The following TXNDC16 variants were observed in gnomAD, a reference collection of about 807,000 sequenced individuals.
TXNDC16 encodes the protein thioredoxin domain containing 16.
In TXNDC16, 74 loss-of-function variants were observed where a neutral mutation model predicts 85.6. The ratio of observed to expected loss-of-function variants is 0.86; its 90% CI spans 0.72 to 1.05. The LOEUF is 1.05. TXNDC16 is among the 50% of genes least tolerant of loss of function. The probability of loss-of-function intolerance (pLI) is 0.00; values close to 1 mark genes in which losing one functional copy is unlikely to be tolerated. For synonymous variants in TXNDC16, 335 were observed against 326.5 expected, an observed-to-expected ratio of 1.03 and a Z score of -0.28; for missense variants, 959 against 947.0, an observed-to-expected ratio of 1.01 and a Z score of -0.17.
intron 1 of TXNDC16, among the ~76,000 whole-genome samples, chr14:52,548,024 T>C (rs2037974681): frequency 6.6e-6 from 1 of 152,194 alleles, no homozygotes; most frequent in Non-Finnish European, 1.5e-5. Flanking sequence ...AGAGTCAGTA[T>C]ACATGTGCAA....
At chr14:52,435,561 A>G (rs1393701588) in intron 20 of TXNDC16, among the ~76,000 whole-genome samples, 2 of 152,152 alleles carry the variant, frequency 1.3e-5, no homozygotes, top group African/African-American at 2.4e-5. Context: ...TAATTAATTA[A>G]TTCTGTCCCG....
chr14:52,529,932 TTA>T (rs1458170687), intron 6 of TXNDC16, among the ~76,000 whole-genome samples: 2 of 106,000 alleles, frequency 1.9e-5, no homozygotes, highest in Non-Finnish European at 3.4e-5. Context: ...ATTATATATA[TTA>T]TATATATGAA....
chr14:52,462,187 TA>T (rs148936930), intron 16 of TXNDC16, among the ~76,000 whole-genome samples: 1,555 of 152,328 alleles, frequency 0.01, 23 homozygotes, highest in African/African-American at 0.034. Context: ...GTTTCTCTTT[TA>T]TTTTTTTAAA....
Position 52,497,877 on chromosome 14 carries a change from T to C in TXNDC16, c.757-6872A>G, listed in dbSNP as rs1295894442. On this transcript the variant is annotated intron_variant, in intron 9 of 20. Coordinates refer to ENST00000281741, the MANE Select transcript of TXNDC16 (RefSeq NM_020784.3). The stretch of plus-strand genomic sequence containing the variant: ...GCCTGGGCAACGGAGCAAGACTCTG[T>C]CTCAAAAAAAAAAAAAAAAAAAACC... Among the ~76,000 whole-genome samples the C allele has an allele frequency of 4.0e-5, 4 of 99,250 alleles. No homozygotes were observed. The East Asian group carries it at 1.4e-3, about 35-fold the overall frequency. 65.1% of individuals were successfully genotyped at this position (99,250 alleles called of 152,430 possible).
chr14:52,539,757 A>G (rs2037787245), intron 4 of TXNDC16, among the ~76,000 whole-genome samples: 1 of 152,208 alleles, frequency 6.6e-6, no homozygotes, highest in Non-Finnish European at 1.5e-5. Flanking sequence ...AGAAAAGTCA[A>G]GGATGACAGA....
intron 4 of TXNDC16, among the ~76,000 whole-genome samples, chr14:52,541,498 T>C (rs10140315): frequency 0.13 from 19,369 of 152,192 alleles, 1,540 homozygotes; most frequent in East Asian, 0.37. Context: ...TCAAAGTTAA[T>C]TGAGATCTCT....
chr14:52,532,734 C>A (rs371565049), intron 6 of TXNDC16, among the ~76,000 whole-genome samples: 2 of 151,978 alleles, frequency 1.3e-5, no homozygotes, highest in Non-Finnish European at 2.9e-5. Flanking sequence ...CCGCACCCAG[C>A]CAGTTCAAAT....
At chr14:52,470,742 T>A (rs973031795) in intron 14 of TXNDC16, 62 bp from the exon 15 acceptor site, 27 of 1,469,412 alleles carry the variant, frequency 1.8e-5, no homozygotes, top group Non-Finnish European at 2.4e-5. Flanking sequence ...TTGCTTAGGA[T>A]CTTCAGTATT....
chr14:52,514,182 T>C (rs557771877), intron 8 of TXNDC16, among the ~76,000 whole-genome samples: 29 of 152,142 alleles, frequency 1.9e-4, no homozygotes, highest in Non-Finnish European at 3.7e-4. Context: ...CCTCTAAATG[T>C]AGAGCTGTAA....
At position 52,493,216 on chromosome 14, in the gene TXNDC16, T is replaced by TATATATATATATATATATTAC; in HGVS notation, c.757-2212_757-2211insGTAATATATATATATATATAT. Among the ~76,000 whole-genome samples, 157 of 115,962 alleles carry TATATATATATATATATATTAC rather than the reference T, an allele frequency of 1.4e-3. 1 individual carries two copies. The Middle Eastern group carries it at 0.021, about 16-fold the overall frequency. The allele number at this position is 115,962 out of a possible 152,430, so 76.1% of individuals were successfully genotyped here. A position where few individuals can be genotyped will look rare whatever the true frequency, so the allele number is the denominator to read the frequency against. On this transcript the variant is annotated intron_variant, in intron 9 of 20. Transcript: ENST00000281741. ...TTCTATATATATATATATATATATA[T>TATATATATATATATATATTAC]ACACACACACACACACACATATTTA...
chr14:52,440,441 T>C lies in TXNDC16; in HGVS notation c.2003+123A>G, dbSNP rs917478050. The stretch of plus-strand genomic sequence containing the variant: ...GGGGAGTTTTGTTACTAAAATATCA[T>C]GGTGACATATTTGGTTCCATAAAAT... On this transcript the variant is annotated intron_variant, in intron 19 of 20. Transcript: ENST00000281741. 8.9e-6 allele frequency: 6 copies of C among 674,882 alleles called. No individual in the cohort carries two copies. In the South Asian group the frequency reaches 2.9e-4, roughly 33 times the overall value. 41.8% of individuals were successfully genotyped at this position (674,882 alleles called of 1,614,324 possible).
Position 52,432,251 on chromosome 14 carries a change from A to C in TXNDC16, c.*53T>G. On this transcript the variant is annotated 3_prime_UTR_variant, in exon 21 of 21. Transcript: ENST00000281741. ...TGATTTAATATTATTCTTTAAGGAA[A>C]TAAATTAAGTCTATCATGCCAAAAA... 6.8e-7 allele frequency: 1 copy of C among 1,470,326 alleles called. No homozygotes were observed. The highest frequency in any genetic ancestry group is 2.3e-5 in the East Asian group (1 of 43,462). 91.1% of individuals were successfully genotyped at this position (1,470,326 alleles called of 1,614,324 possible).
intron 6 of TXNDC16, among the ~76,000 whole-genome samples, chr14:52,535,220 G>A (rs1183933125): frequency 1.3e-5 from 2 of 152,026 alleles, no homozygotes; most frequent in Non-Finnish European, 2.9e-5. Context: ...CTATTACTTG[G>A]ACTTTTTGCT....
In TXNDC16 at chr14:52,488,313, T is replaced by A. The variant is rs550168612; in HGVS notation, c.1108+50A>T. The A allele has an allele frequency of 1.4e-5, 23 of 1,598,162 alleles. No homozygotes were observed. In the East Asian group the frequency reaches 4.8e-4, roughly 33 times the overall value. ...TAATCCATTGGAAATTTCACTGACT[T>A]TATGGGTGCTGGGCAGGATGGGGAA... On this transcript the variant is annotated intron_variant, in intron 12 of 20. Coordinates refer to ENST00000281741, the MANE Select transcript of TXNDC16 (RefSeq NM_020784.3).
chr14:52,498,458 A>G (rs1186668696), intron 9 of TXNDC16, among the ~76,000 whole-genome samples: 1 of 152,018 alleles, frequency 6.6e-6, no homozygotes, highest in African/African-American at 2.4e-5. Flanking sequence ...CCAGAAAACC[A>G]TAAGAACCAT....
chr14:52,463,750 C>T (rs754141602), intron 16 of TXNDC16, among the ~76,000 whole-genome samples: 8 of 152,088 alleles, frequency 5.3e-5, no homozygotes, highest in Non-Finnish European at 1.2e-4. Flanking sequence ...AAAATATATA[C>T]GGAGGCAGCT....
At chr14:52,451,601 G>T (rs1413824984) in intron 18 of TXNDC16, among the ~76,000 whole-genome samples, 1 of 151,958 alleles carries the variant, frequency 6.6e-6, no homozygotes, top group Admixed American at 6.6e-5. Context: ...AAAACCATAT[G>T]ATCATTTCAA....
chr14:52,487,929 T>C (rs1353072053), intron 12 of TXNDC16, among the ~76,000 whole-genome samples: 6 of 152,248 alleles, frequency 3.9e-5, no homozygotes, highest in African/African-American at 1.2e-4. Context: ...AAAATGTTAC[T>C]GAAATTTACT....
intron 14 of TXNDC16, among the ~76,000 whole-genome samples, chr14:52,479,393 T>G (rs1228043588): frequency 6.6e-6 from 1 of 152,106 alleles, no homozygotes; most frequent in Non-Finnish European, 1.5e-5. Context: ...GCTGGTGATA[T>G]GATTGTTTAT....
Sources: gnomAD v4.1 joint callset for allele counts (sites outside exome capture counted in the v4.1 genomes callset) on GRCh38, gnomAD v4.1.1 for gene constraint, MANE v1.5 for transcripts, NCBI Gene and HGNC (gene_info 2026-07-23, HGNC 2026-07-21) for gene names.